Variants in ENOX1 observed in about 807,000 individuals in gnomAD.
ENOX1 encodes the protein ecto-NOX disulfide-thiol exchanger 1, also known as candidate growth-related and time keeping constitutive hydroquinone (NADH) oxidase.
Under a neutral mutation model 82.5 loss-of-function variants are expected in ENOX1, and 42 were observed. The ratio of observed to expected loss-of-function variants is 0.51; its 90% confidence interval spans 0.40 to 0.66. The LOEUF (loss-of-function observed/expected upper bound fraction) is 0.66. Among genes scored for constraint, ENOX1 ranks in the 30% least tolerant of loss-of-function variants. The pLI, the probability that ENOX1 is intolerant of heterozygous loss-of-function variation, is 0.00. For missense variants in ENOX1, 608 were observed against 811.6 expected, an observed-to-expected ratio of 0.75 and a Z score of 3.05; for synonymous variants, 271 against 282.2, an observed-to-expected ratio of 0.96 and a Z score of 0.40.
intron 10 of ENOX1, among the ~76,000 whole-genome samples, chr13:43,323,477 T>G (rs1317951686): frequency 6.6e-6 from 1 of 152,202 alleles, no homozygotes; most frequent in Non-Finnish European, 1.5e-5. Context: ...GATTAAAGAA[T>G]TACACAGGAA....
At chr13:43,662,032 T>C (rs2084758241) in intron 2 of ENOX1, among the ~76,000 whole-genome samples, 1 of 152,160 alleles carries the variant, frequency 6.6e-6, no homozygotes, top group South Asian at 2.1e-4. Flanking sequence ...TCTTCCATCA[T>C]GTCCTTCTCT....
intron 3 of ENOX1, among the ~76,000 whole-genome samples, chr13:43,452,618 G>A (rs543405274): frequency 6.6e-6 from 1 of 152,226 alleles, no homozygotes; most frequent in Admixed American, 6.5e-5. Flanking sequence ...TGTCTCCTGG[G>A]TTCAAGCCAT....
intron 2 of ENOX1, among the ~76,000 whole-genome samples, chr13:43,516,633 C>A (rs569349409): frequency 6.6e-6 from 1 of 152,260 alleles, no homozygotes; most frequent in South Asian, 2.1e-4. Flanking sequence ...AAGAACAAAG[C>A]TGCAGTACTT....
At chr13:43,565,658 A>C (rs1336766149) in intron 2 of ENOX1, among the ~76,000 whole-genome samples, 1 of 152,172 alleles carries the variant, frequency 6.6e-6, no homozygotes, top group African/African-American at 2.4e-5. Flanking sequence ...AATTTTTTAG[A>C]TAAGGAAAGA....
At chr13:43,351,713 G>C (rs1175597320) in intron 8 of ENOX1, among the ~76,000 whole-genome samples, 1 of 150,490 alleles carries the variant, frequency 6.6e-6, no homozygotes, top group African/African-American at 2.5e-5. Context: ...TACTGAGAAT[G>C]ATGATTTCCA....
intron 12 of ENOX1, among the ~76,000 whole-genome samples, chr13:43,296,130 G>A (rs1462257661): frequency 6.6e-6 from 1 of 152,210 alleles, no homozygotes; most frequent in Non-Finnish European, 1.5e-5. Context: ...CTACGTGTCT[G>A]TTATGGATTG....
At chr13:43,282,672 C>T (rs1430459981) in intron 12 of ENOX1, among the ~76,000 whole-genome samples, 3 of 151,956 alleles carry the variant, frequency 2.0e-5, no homozygotes, top group African/African-American at 7.2e-5. Flanking sequence ...GATCTGCCTG[C>T]CTTAGCTTCC....
chr13:43,346,965 T>C (rs1251356527), intron 8 of ENOX1, among the ~76,000 whole-genome samples: 2 of 152,160 alleles, frequency 1.3e-5, no homozygotes, highest in South Asian at 4.1e-4. Context: ...CATGTCTACA[T>C]AACACAGAGA....
intron 1 of ENOX1, among the ~76,000 whole-genome samples, chr13:43,673,008 C>CT (rs1164166978): frequency 6.6e-6 from 1 of 152,110 alleles, no homozygotes; most frequent in Admixed American, 6.6e-5. Flanking sequence ...CATGCCATAC[C>CT]TTTTCTAGAT....
intron 1 of ENOX1, among the ~76,000 whole-genome samples, chr13:43,747,850 C>G (rs936761732): frequency 6.6e-6 from 1 of 152,140 alleles, no homozygotes; most frequent in African/African-American, 2.4e-5. Flanking sequence ...CATGGAAGTT[C>G]TTGAATTCAG....
At chr13:43,568,804 T>G (rs2080039387) in intron 2 of ENOX1, among the ~76,000 whole-genome samples, 1 of 151,986 alleles carries the variant, frequency 6.6e-6, no homozygotes, top group South Asian at 2.1e-4. Flanking sequence ...TCTATGAGAC[T>G]AAACAGAAGA....
intron 2 of ENOX1, among the ~76,000 whole-genome samples, chr13:43,630,933 TTG>T (rs139713177): frequency 8.0e-4 from 119 of 149,306 alleles, no homozygotes; most frequent in African/African-American, 1.3e-3. Flanking sequence ...GTGTGTGTGT[TTG>T]TGTGTGTGTG....
At chr13:43,588,212 T>C (rs1354624487) in intron 2 of ENOX1, among the ~76,000 whole-genome samples, 1 of 152,150 alleles carries the variant, frequency 6.6e-6, no homozygotes, top group South Asian at 2.1e-4. Flanking sequence ...TACAAATACA[T>C]CTAAAATTTT....
chr13:43,441,994 C>G (rs1206088659), intron 3 of ENOX1, among the ~76,000 whole-genome samples: 1 of 152,038 alleles, frequency 6.6e-6, no homozygotes, highest in Non-Finnish European at 1.5e-5. Context: ...TTGATGCTCA[C>G]CATACAAATG....
intron 2 of ENOX1, among the ~76,000 whole-genome samples, chr13:43,643,314 T>C (rs544434040): frequency 6.6e-6 from 1 of 152,320 alleles, no homozygotes; most frequent in East Asian, 1.9e-4. Context: ...AGTTTAGTCA[T>C]GACAGATCCA....
intron 5 of ENOX1, among the ~76,000 whole-genome samples, chr13:43,384,940 A>G (rs1300102697): frequency 6.6e-6 from 1 of 152,160 alleles, no homozygotes; most frequent in Non-Finnish European, 1.5e-5. Flanking sequence ...CCCTGATTCA[A>G]ACAAGGCTGT....
At chr13:43,584,034 T>G (rs1593947750) in intron 2 of ENOX1, among the ~76,000 whole-genome samples, 1 of 152,212 alleles carries the variant, frequency 6.6e-6, no homozygotes. Flanking sequence ...GAAAATCAGC[T>G]GGGCACTAGC....
chr13:43,332,543 T>C (rs1041628550), intron 9 of ENOX1, among the ~76,000 whole-genome samples: 3 of 152,064 alleles, frequency 2.0e-5, no homozygotes, highest in African/African-American at 7.2e-5. Flanking sequence ...GATCACAGTA[T>C]ATAAAAAAAC....
chr13:43,708,193 T>G (rs751798038), intron 1 of ENOX1, among the ~76,000 whole-genome samples: 1 of 152,124 alleles, frequency 6.6e-6, no homozygotes. Context: ...CTAGGAACAT[T>G]TGTCTGGTGA....
Sources: allele counts gnomAD v4.1 joint callset (sites outside exome capture counted in the v4.1 genomes callset), GRCh38; gene constraint gnomAD v4.1.1; transcripts MANE v1.5; gene names NCBI Gene and HGNC (gene_info 2026-07-23, HGNC 2026-07-21).